ERBB4: variants seen among roughly 807,000 people sequenced by gnomAD.
ERBB4 encodes the protein erb-b2 receptor tyrosine kinase 4.
In ERBB4, 42 loss-of-function variants were observed where a neutral mutation model predicts 158.0. The ratio of observed to expected loss-of-function variants is 0.27; its 90% CI spans 0.21 to 0.34. ERBB4 has a LOEUF of 0.34. Ranked by LOEUF, ERBB4 falls within the 10% of genes least tolerant of loss-of-function variation. The pLI is 1.00. For missense variants in ERBB4, 1,333 were observed against 1,624.1 expected (o/e 0.82, Z 3.08); for synonymous variants, 583 against 558.7 (o/e 1.04, Z -0.61).
intron 2 of ERBB4, among the ~76,000 whole-genome samples, chr2:212,005,986 T>A (rs1016434211): frequency 7.3e-6 from 1 of 136,278 alleles, no homozygotes; most frequent in African/African-American, 2.6e-5. Context: ...TTTGCTTCTA[T>A]AAAACTATGG....
At chr2:212,431,137 G>A (rs535961761) in intron 1 of ERBB4, among the ~76,000 whole-genome samples, 7 of 151,176 alleles carry the variant, frequency 4.6e-5, no homozygotes, top group Non-Finnish European at 8.8e-5. Context: ...CTATATCCAG[G>A]AGGACGAATG....
At chr2:211,477,085 C>G (rs1159019421) in intron 20 of ERBB4, among the ~76,000 whole-genome samples, 12 of 152,036 alleles carry the variant, frequency 7.9e-5, no homozygotes, top group Admixed American at 7.9e-4. Flanking sequence ...TTTAACTAAG[C>G]AGATTACCCT....
At chr2:211,935,968 T>C (rs549996973) in intron 3 of ERBB4, among the ~76,000 whole-genome samples, 2 of 152,294 alleles carry the variant, frequency 1.3e-5, no homozygotes, top group South Asian at 4.1e-4. Flanking sequence ...CTTTGCTTTC[T>C]ACATTTATTA....
chr2:211,871,532 A>G (rs376048553), intron 3 of ERBB4, among the ~76,000 whole-genome samples: 1 of 151,186 alleles, frequency 6.6e-6, no homozygotes, highest in Non-Finnish European at 1.5e-5. Context: ...CCCTCTAGTC[A>G]TGGGTCATTC....
intron 25 of ERBB4, among the ~76,000 whole-genome samples, chr2:211,400,223 TGCTTTATAA>T (rs974843057): frequency 1.1e-4 from 16 of 152,248 alleles, no homozygotes; most frequent in Admixed American, 3.3e-4. Flanking sequence ...CTGTGTTGGG[TGCTTTATAA>T]GCTTTATAAG....
chr2:211,481,138 G>A (rs1049855874), intron 20 of ERBB4, among the ~76,000 whole-genome samples: 7 of 151,916 alleles, frequency 4.6e-5, no homozygotes, highest in African/African-American at 1.7e-4. Context: ...AGAGGTCATA[G>A]AAACATTAGT....
At chr2:212,219,065 C>T (rs559499440) in intron 1 of ERBB4, among the ~76,000 whole-genome samples, 6 of 150,892 alleles carry the variant, frequency 4.0e-5, no homozygotes, top group Admixed American at 6.6e-5. Flanking sequence ...TTTTCTCCCC[C>T]GATTTAAAGA....
intron 20 of ERBB4, among the ~76,000 whole-genome samples, chr2:211,465,783 T>C (rs1172673299): frequency 6.6e-6 from 1 of 152,152 alleles, no homozygotes; most frequent in African/African-American, 2.4e-5. Context: ...ATTCTTATTC[T>C]GTAACTTACA....
chr2:211,405,900 G>A (rs79219729), intron 25 of ERBB4, among the ~76,000 whole-genome samples: 15 of 152,026 alleles, frequency 9.9e-5, no homozygotes, highest in Admixed American at 5.2e-4. Flanking sequence ...TAATAGTAAC[G>A]TTAACGTCTT....
At chr2:211,964,753 A>C (rs2081267988) in intron 2 of ERBB4, among the ~76,000 whole-genome samples, 1 of 152,174 alleles carries the variant, frequency 6.6e-6, no homozygotes, top group Non-Finnish European at 1.5e-5. Flanking sequence ...AAGATAGATA[A>C]AACAAATTAG....
chr2:211,987,341 A>AAAAAAAAAAAAAAAAAAAAAAAG (rs1215048952), intron 2 of ERBB4, among the ~76,000 whole-genome samples: 16 of 124,424 alleles, frequency 1.3e-4, no homozygotes, highest in Admixed American at 1.9e-4. Flanking sequence ...AAAAAAAAAA[A>AAAAAAAAAAAAAAAAAAAAAAAG]AAAGAAAGAA....
At chr2:211,692,106 T>C (rs1229867344) in intron 12 of ERBB4, among the ~76,000 whole-genome samples, 1 of 152,182 alleles carries the variant, frequency 6.6e-6, no homozygotes, top group African/African-American at 2.4e-5. Flanking sequence ...CGTCAATCTG[T>C]ACTGAAGAGG....
Position 211,743,405 on chromosome 2 carries a change from G to GA in ERBB4, c.622+7233dup, listed in dbSNP as rs1230302030. Among the ~76,000 whole-genome samples, 12 of 152,258 alleles carry GA rather than the reference G, an allele frequency of 7.9e-5. No individual in the cohort carries two copies. In the East Asian group the frequency reaches 2.3e-3, roughly 29 times the overall value. On this transcript the variant is annotated intron_variant, in intron 5 of 27. Coordinates refer to ENST00000342788, the MANE Select transcript of ERBB4 (RefSeq NM_005235.3). ...GCAGGACAAAAGGAATGCGTAAAAT[G>GA]AAACAACCACCCTTTCTGATAATGG...
At chr2:211,725,418 T>C (rs1345232648) in intron 5 of ERBB4, among the ~76,000 whole-genome samples, 1 of 152,216 alleles carries the variant, frequency 6.6e-6, no homozygotes, top group Non-Finnish European at 1.5e-5. Context: ...ATAATTACAA[T>C]GCCTTATGAC....
chr2:211,381,777 A>G lies in ERBB4; in HGVS notation c.*1838T>C. On this transcript the variant is annotated 3_prime_UTR_variant, in exon 28 of 28. Coordinates refer to ENST00000342788, the MANE Select transcript of ERBB4 (RefSeq NM_005235.3). ...CTTAATAGATATTTTTACTCTAATT[A>G]ATTAATCTTATACTATTGATTCTAA... 1 of 230,620 alleles carries G rather than the reference A, an allele frequency of 4.3e-6. No homozygotes were observed. Among genetic ancestry groups the G allele is most frequent in the Non-Finnish European group, 8.6e-6 (1 of 116,448 alleles). 14.3% of individuals were successfully genotyped at this position (230,620 alleles called of 1,614,324 possible). A position where few individuals can be genotyped will look rare whatever the true frequency, so the allele number is the denominator to read the frequency against.
At chr2:211,511,165 C>T (rs2065875305) in intron 20 of ERBB4, among the ~76,000 whole-genome samples, 1 of 151,834 alleles carries the variant, frequency 6.6e-6, no homozygotes, top group Non-Finnish European at 1.5e-5. Flanking sequence ...ATGGAATGCA[C>T]TGTAATTTAA....
At chr2:211,928,013 G>T (rs2080067193) in intron 3 of ERBB4, among the ~76,000 whole-genome samples, 1 of 152,036 alleles carries the variant, frequency 6.6e-6, no homozygotes, top group Non-Finnish European at 1.5e-5. Context: ...AGATGAAAGA[G>T]AAATTTAAGT....
At chr2:212,197,232 T>C (rs771742754) in intron 1 of ERBB4, among the ~76,000 whole-genome samples, 1 of 152,184 alleles carries the variant, frequency 6.6e-6, no homozygotes, top group African/African-American at 2.4e-5. Context: ...ACATATTCAA[T>C]TGCCTTAATT....
At chr2:211,715,018 T>C (rs918269430) in intron 7 of ERBB4, among the ~76,000 whole-genome samples, 1 of 152,162 alleles carries the variant, frequency 6.6e-6, no homozygotes, top group Non-Finnish European at 1.5e-5. Context: ...TGAAAATGGA[T>C]GGCAGCTTCT....
Sources: gnomAD v4.1 joint callset for allele counts (sites outside exome capture counted in the v4.1 genomes callset) on GRCh38, gnomAD v4.1.1 for gene constraint, MANE v1.5 for transcripts, NCBI Gene and HGNC (gene_info 2026-07-23, HGNC 2026-07-21) for gene names.